Variants in RAB10 observed in about 807,000 individuals in gnomAD.
The protein encoded by RAB10 is ras-related protein Rab-10.
Under a neutral mutation model 25.7 loss-of-function variants are expected in RAB10, and 5 were observed. The observed-to-expected ratio is 0.19, with a 90% CI of 0.10 to 0.41. The LOEUF (loss-of-function observed/expected upper bound fraction) is 0.41, where lower values mean the gene tolerates loss of function less well. Ranked by LOEUF, RAB10 falls within the 10% of genes least tolerant of loss-of-function variation. RAB10 has a pLI of 1.00. For synonymous variants in RAB10, 89 were observed against 86.4 expected (o/e 1.03, Z -0.16); for missense variants, 103 against 245.8 (o/e 0.42, Z 3.89).
intron 1 of RAB10, among the ~76,000 whole-genome samples, chr2:26,079,039 T>A (rs1666802358): frequency 6.6e-6 from 1 of 152,008 alleles, no homozygotes; most frequent in Non-Finnish European, 1.5e-5. Flanking sequence ...ATACAAAAAT[T>A]AGCTGAGTAT....
intron 1 of RAB10, among the ~76,000 whole-genome samples, chr2:26,083,373 TTTCTC>T (rs1666908966): frequency 6.6e-6 from 1 of 151,926 alleles, no homozygotes; most frequent in Non-Finnish European, 1.5e-5. Flanking sequence ...ATTTTTCTTT[TTTCTC>T]TTTTCTCTCT....
intron 1 of RAB10, among the ~76,000 whole-genome samples, chr2:26,078,428 G>A (rs1666785977): frequency 6.6e-6 from 1 of 152,218 alleles, no homozygotes; most frequent in African/African-American, 2.4e-5. Flanking sequence ...AAAGAAAGCT[G>A]TGGTAATAAG....
chr2:26,092,300 T>TTTTGGG (rs1559590812), intron 1 of RAB10, among the ~76,000 whole-genome samples: 1 of 136,166 alleles, frequency 7.3e-6, no homozygotes, highest in Non-Finnish European at 1.5e-5. Flanking sequence ...TGTGTGTGTG[T>TTTTGGG]GTGTGTGTGT....
chr2:26,097,346 T>C (rs1667244173), intron 1 of RAB10, among the ~76,000 whole-genome samples: 1 of 152,156 alleles, frequency 6.6e-6, no homozygotes, highest in Non-Finnish European at 1.5e-5. Flanking sequence ...CGATCTCAGC[T>C]CACTGCATCC....
At chr2:26,114,484 A>G (rs11126368) in intron 3 of RAB10, among the ~76,000 whole-genome samples, 5,149 of 152,246 alleles carry the variant, frequency 0.034, 298 homozygotes, top group African/African-American at 0.12. Context: ...AGACAATTCA[A>G]TGGGCAAAAG....
At chr2:26,116,548 G>T (rs188026190) in intron 3 of RAB10, among the ~76,000 whole-genome samples, 803 of 62,684 alleles carry the variant, frequency 0.013, 20 homozygotes, top group African/African-American at 0.047. Context: ...TCTGTCTTGT[G>T]TTTTTTTTTT....
chr2:26,054,115 T>A (rs1261770554), intron 1 of RAB10, among the ~76,000 whole-genome samples: 1 of 149,076 alleles, frequency 6.7e-6, no homozygotes, highest in African/African-American at 2.5e-5. Context: ...TGGCGTGATC[T>A]CGGCTCACTG....
chr2:26,102,409 G>A (rs1667360180), intron 2 of RAB10, among the ~76,000 whole-genome samples: 1 of 151,572 alleles, frequency 6.6e-6, no homozygotes, highest in South Asian at 2.1e-4. Context: ...CAAGTGACTG[G>A]GCTGTGATTT....
chr2:26,079,800 G>A (rs1216654554), intron 1 of RAB10, among the ~76,000 whole-genome samples: 1 of 152,002 alleles, frequency 6.6e-6, no homozygotes, highest in African/African-American at 2.4e-5. Flanking sequence ...CTAGTAGCTG[G>A]GACTACAGGC....
intron 2 of RAB10, among the ~76,000 whole-genome samples, chr2:26,107,657 G>A (rs1667492794): frequency 1.3e-5 from 2 of 151,936 alleles, no homozygotes; most frequent in African/African-American, 2.4e-5. Context: ...TTGGCTGGGC[G>A]TGGTGGTGGG....
chr2:26,123,033 T>G (rs1667837672), intron 3 of RAB10, among the ~76,000 whole-genome samples: 1 of 152,162 alleles, frequency 6.6e-6, no homozygotes, highest in Non-Finnish European at 1.5e-5. Context: ...CTGACTGCCC[T>G]TACGTATAAA....
chr2:26,108,317 A>G (rs958226769), intron 2 of RAB10, among the ~76,000 whole-genome samples: 1 of 152,236 alleles, frequency 6.6e-6, no homozygotes, highest in African/African-American at 2.4e-5. Context: ...GCTACCCAGC[A>G]ATGAAATGGG....
chr2:26,066,510 G>A (rs962677410), intron 1 of RAB10, among the ~76,000 whole-genome samples: 1 of 152,148 alleles, frequency 6.6e-6, no homozygotes, highest in Non-Finnish European at 1.5e-5. Flanking sequence ...AGGTTTGATT[G>A]ACTCACAGTT....
intron 5 of RAB10, among the ~76,000 whole-genome samples, chr2:26,134,376 G>GA (rs1476699667): frequency 6.6e-6 from 1 of 151,870 alleles, no homozygotes; most frequent in Non-Finnish European, 1.5e-5. Flanking sequence ...CTTGGCCTCT[G>GA]AAAGTGCTGG....
intron 1 of RAB10, among the ~76,000 whole-genome samples, chr2:26,095,426 T>C (rs2149279023): frequency 6.6e-6 from 1 of 151,972 alleles, no homozygotes. Context: ...GCTAACACGG[T>C]GAAACCCCGT....
intron 1 of RAB10, among the ~76,000 whole-genome samples, chr2:26,067,832 T>G (rs1008811095): frequency 6.6e-6 from 1 of 152,210 alleles, no homozygotes; most frequent in Non-Finnish European, 1.5e-5. Flanking sequence ...TTGATGCAAC[T>G]TTGTTAAAAA....
chr2:26,063,057 G>A (rs976083949), intron 1 of RAB10, among the ~76,000 whole-genome samples: 27 of 151,442 alleles, frequency 1.8e-4, no homozygotes, highest in Admixed American at 1.2e-3. Flanking sequence ...AGGGGTTGCC[G>A]TGAGCCGACA....
At chr2:26,131,018 CA>C (rs1364151866) in intron 5 of RAB10, among the ~76,000 whole-genome samples, 1 of 146,722 alleles carries the variant, frequency 6.8e-6, no homozygotes, top group Non-Finnish European at 1.5e-5. Context: ...TTGATCTTCT[CA>C]TCAGTCTTGG....
At chr2:26,076,553 T>C (rs933453054) in intron 1 of RAB10, among the ~76,000 whole-genome samples, 1 of 152,102 alleles carries the variant, frequency 6.6e-6, no homozygotes, top group Non-Finnish European at 1.5e-5. Flanking sequence ...AAGTATTAGA[T>C]AGTGGAGGTG....
Sources: allele counts gnomAD v4.1 joint callset (sites outside exome capture counted in the v4.1 genomes callset), GRCh38; gene constraint gnomAD v4.1.1; transcripts MANE v1.5; gene names NCBI Gene and HGNC (gene_info 2026-07-23, HGNC 2026-07-21).